The following SUCLG2 variants were observed in gnomAD, a reference collection of about 807,000 sequenced individuals.
SUCLG2 encodes the protein succinate-CoA ligase GDP-forming subunit beta.
Under a neutral mutation model 47.9 loss-of-function variants are expected in SUCLG2, and 42 were observed. That is an observed-to-expected ratio of 0.88 (90% CI 0.69 to 1.14). The LOEUF (loss-of-function observed/expected upper bound fraction) is 1.14, where lower values mean the gene tolerates loss of function less well. Ranked by LOEUF, SUCLG2 falls within the 50% of genes most tolerant of loss-of-function variation. SUCLG2 has a pLI of 0.00. For synonymous variants in SUCLG2, 195 were observed against 197.3 expected, an observed-to-expected ratio of 0.99 and a Z score of 0.10; for missense variants, 571 against 525.9, an observed-to-expected ratio of 1.09 and a Z score of -0.84.
At chr3:67,393,567 C>T (rs191444591) in intron 10 of SUCLG2, among the ~76,000 whole-genome samples, 10,968 of 152,264 alleles carry the variant, frequency 0.072, 402 homozygotes, top group Middle Eastern at 0.14. Context: ...GCCTGCCTGC[C>T]TCTGTAGGCT....
chr3:67,455,116 T>G (rs1704153322), intron 9 of SUCLG2, among the ~76,000 whole-genome samples: 1 of 152,220 alleles, frequency 6.6e-6, no homozygotes, highest in South Asian at 2.1e-4. Context: ...CATGTAGTTC[T>G]TAGGGTCTAT....
At chr3:67,609,648 TA>T in intron 1 of SUCLG2, 52 bp from the exon 2 acceptor site, 1 of 1,576,504 alleles carries the variant, frequency 6.3e-7, no homozygotes, top group Non-Finnish European at 8.6e-7. Flanking sequence ...GCAAGAAAAA[TA>T]AAAGTCAACC....
chr3:67,534,482 T>A (rs1205269413), intron 2 of SUCLG2, among the ~76,000 whole-genome samples: 1 of 152,008 alleles, frequency 6.6e-6, no homozygotes, highest in East Asian at 1.9e-4. Flanking sequence ...CATTAAAATC[T>A]GTAATATAAA....
intron 3 of SUCLG2, among the ~76,000 whole-genome samples, chr3:67,528,686 G>T (rs1706319282): frequency 6.6e-6 from 1 of 152,188 alleles, no homozygotes. Context: ...AAGTTGAAAA[G>T]ACAGGCTCAA....
In SUCLG2 at chr3:67,582,863, T is replaced by TC. The variant is rs779941248; in HGVS notation, c.226+26591dup. 2.3e-3 allele frequency among the ~76,000 whole-genome samples: 348 copies of TC among 150,222 alleles called. 2 individuals carry two copies. The highest frequency in any genetic ancestry group is 6.6e-3 in the African/African-American group (271 of 40,808). On this transcript the variant is annotated intron_variant, in intron 2 of 10. Transcript: ENST00000307227. ...TCATTTTGGTGGAATGACATTCCCC[T>TC]CCCCCACCAAAAAAAACACCTTTTA...
chr3:67,654,234 A>C (rs902649105), intron 1 of SUCLG2, among the ~76,000 whole-genome samples: 1 of 152,254 alleles, frequency 6.6e-6, no homozygotes, highest in Non-Finnish European at 1.5e-5. Flanking sequence ...CGCCTTCGCC[A>C]TGAGTCTGCG....
chr3:67,542,915 C>G (rs1706756836), intron 2 of SUCLG2, among the ~76,000 whole-genome samples: 1 of 152,160 alleles, frequency 6.6e-6, no homozygotes, highest in South Asian at 2.1e-4. Context: ...GTCAATGAGA[C>G]AGAAAATTAA....
intron 4 of SUCLG2, among the ~76,000 whole-genome samples, chr3:67,521,842 A>T (rs1247728026): frequency 6.6e-6 from 1 of 151,798 alleles, no homozygotes; most frequent in Non-Finnish European, 1.5e-5. Context: ...CTGGTCTTGA[A>T]CTGCTGACTT....
intron 6 of SUCLG2, chr3:67,514,001 C>A (rs1321553427): frequency 3.0e-5 from 9 of 299,050 alleles, no homozygotes; most frequent in Admixed American, 2.1e-4. Flanking sequence ...CTCTACCCAG[C>A]GGAATACGAC....
At chr3:67,566,553 A>G (rs1707458066) in intron 2 of SUCLG2, among the ~76,000 whole-genome samples, 1 of 152,230 alleles carries the variant, frequency 6.6e-6, no homozygotes, top group African/African-American at 2.4e-5. Flanking sequence ...TTATTTATAA[A>G]AATTCTGAAA....
intron 10 of SUCLG2, among the ~76,000 whole-genome samples, chr3:67,367,204 A>G (rs1478317439): frequency 6.6e-6 from 1 of 152,198 alleles, no homozygotes; most frequent in Non-Finnish European, 1.5e-5. Context: ...AAACTGAGTG[A>G]GATTTTTAAA....
At chr3:67,526,308 A>C (rs1706253618) in intron 4 of SUCLG2, among the ~76,000 whole-genome samples, 1 of 152,226 alleles carries the variant, frequency 6.6e-6, no homozygotes, top group Non-Finnish European at 1.5e-5. Context: ...ATTGCAAAAA[A>C]AATCTCATAA....
At chr3:67,392,807 C>G (rs1047694214) in intron 10 of SUCLG2, among the ~76,000 whole-genome samples, 1 of 149,826 alleles carries the variant, frequency 6.7e-6, no homozygotes, top group East Asian at 1.9e-4. Context: ...CCATACTGTG[C>G]TAGTAGTCAC....
At chr3:67,379,046 A>G (rs1702094218) in intron 10 of SUCLG2, among the ~76,000 whole-genome samples, 1 of 152,152 alleles carries the variant, frequency 6.6e-6, no homozygotes, top group Non-Finnish European at 1.5e-5. Flanking sequence ...TCCCTGGTTC[A>G]AGCAATTCTC....
At chr3:67,397,443 C>T (rs769742382) in intron 10 of SUCLG2, among the ~76,000 whole-genome samples, 29 of 152,164 alleles carry the variant, frequency 1.9e-4, no homozygotes, top group Middle Eastern at 6.8e-3. Context: ...AATAAAATAC[C>T]TAGGAATCCA....
At chr3:67,552,285 G>A (rs573846167) in intron 2 of SUCLG2, among the ~76,000 whole-genome samples, 2 of 151,892 alleles carry the variant, frequency 1.3e-5, no homozygotes, top group South Asian at 2.1e-4. Context: ...TGCCCATCAC[G>A]TATCTCACAT....
At chr3:67,524,090 T>C (rs1318901576) in intron 4 of SUCLG2, among the ~76,000 whole-genome samples, 1 of 152,188 alleles carries the variant, frequency 6.6e-6, no homozygotes, top group African/African-American at 2.4e-5. Context: ...AAGACCAGTT[T>C]GTTGACATCG....
intron 1 of SUCLG2, among the ~76,000 whole-genome samples, chr3:67,617,402 T>A (rs1265610436): frequency 6.6e-6 from 1 of 152,186 alleles, no homozygotes; most frequent in African/African-American, 2.4e-5. Context: ...CCTAAGCCTA[T>A]GGAAAGGAAA....
At chr3:67,536,634 C>T (rs1352779838) in intron 2 of SUCLG2, among the ~76,000 whole-genome samples, 1 of 152,224 alleles carries the variant, frequency 6.6e-6, no homozygotes, top group Non-Finnish European at 1.5e-5. Flanking sequence ...ACCTCTCCAA[C>T]CTGTTCTGCT....
Sources: gnomAD v4.1 joint callset for allele counts (sites outside exome capture counted in the v4.1 genomes callset) on GRCh38, gnomAD v4.1.1 for gene constraint, MANE v1.5 for transcripts, NCBI Gene and HGNC (gene_info 2026-07-23, HGNC 2026-07-21) for gene names.